Variants in TMEM185B observed in about 807,000 individuals in gnomAD.
TMEM185B encodes ee3_2.
In TMEM185B, 9 loss-of-function variants were observed where a neutral mutation model predicts 26.2. The observed-to-expected ratio is 0.34, with a 90% CI of 0.21 to 0.60. TMEM185B has a LOEUF of 0.60. Among genes scored for constraint, TMEM185B ranks in the 20% least tolerant of loss-of-function variants. TMEM185B has a pLI of 0.80. For synonymous variants in TMEM185B, 204 were observed against 191.8 expected (o/e 1.06, Z -0.52); for missense variants, 392 against 447.9 (o/e 0.88, Z 1.13).
Position 120,219,006 on chromosome 2 carries a change from G to C in TMEM185B, c.*2918C>G, listed in dbSNP as rs968333403. ...TATTTGTGCTTGCAAGGTAGGGCTT[G>C]GCCTCCTGTGCTTCTGCCATGAGAA... On this transcript the variant is annotated 3_prime_UTR_variant, in exon 1 of 1. Coordinates refer to ENST00000426077, the MANE Select transcript of TMEM185B (RefSeq NM_024121.3). Among the ~76,000 whole-genome samples the C allele has an allele frequency of 1.3e-5, 2 of 152,200 alleles. No individual in the cohort carries two copies. Among genetic ancestry groups the C allele is most frequent in the Non-Finnish European group, 2.9e-5 (2 of 68,050 alleles).
rs1436666247 is a variant in TMEM185B, at chr2:120,218,661, T to C, written c.*3263A>G. Among the ~76,000 whole-genome samples the C allele has an allele frequency of 6.6e-6, 1 of 152,120 alleles. No homozygotes were observed. On this transcript the variant is annotated 3_prime_UTR_variant, in exon 1 of 1. Transcript: ENST00000426077. ...AGCACTTTCCTAAAACTGTCCCGTG[T>C]GGAGTACTCCGGCCTCACCACTGCT...
chr2:120,222,371 C>T lies in TMEM185B; in HGVS notation c.606G>A (p.Val202=). The change falls in exon 1 of 1, where the codon GTG becomes GTA. Residue 202 remains valine (V), a synonymous_variant. Coordinates refer to ENST00000426077, the MANE Select transcript of TMEM185B (RefSeq NM_024121.3). Reference sequence around the variant, plus strand: ...CGTGTGTTCTCCGCTGCTCGGCAACCACATCCAGGGACCGCAGGAACAGGA... The same window carrying T: ...CGTGTGTTCTCCGCTGCTCGGCAACTACATCCAGGGACCGCAGGAACAGGA... ...WSLLFLRSLD[V]VAEQRRTHVT... 1 of 1,536,168 alleles carries T rather than the reference C, an allele frequency of 6.5e-7. No individual in the cohort carries two copies. Among genetic ancestry groups the T allele is most frequent in the South Asian group, 1.2e-5 (1 of 84,060 alleles).
At position 120,222,777 on chromosome 2, in the gene TMEM185B, C is replaced by T. The variant is rs1429651474; in HGVS notation, c.200G>A (p.Arg67His). ...TCCCTCGGTGCGGTAGCGAGGGTTG[C>T]GGGCCCAAACGCCCGCGCCCACGGA... ...GASVGAGVWA[R>H]NPRYRTEGEA... The change falls in exon 1 of 1, where the codon CGC becomes CAC. Residue 67 changes from arginine to histidine, a missense_variant. By Grantham distance (29) the Arg-to-His change is conservative. This residue lies in a region of TMEM185B where 175 missense variants were observed against 169.1 expected (regional missense o/e 1.03). Coordinates refer to ENST00000426077, the MANE Select transcript of TMEM185B (RefSeq NM_024121.3). 7 of 1,534,688 alleles carry T rather than the reference C, an allele frequency of 4.6e-6. No homozygotes were observed. The East Asian group carries it at 1.2e-4, about 27-fold the overall frequency.
chr2:120,222,649 G>C lies in TMEM185B; in HGVS notation c.328C>G (p.His110Asp). Residue 110 changes from histidine to aspartate, a missense_variant, in exon 1 of 1, where the codon CAC (histidine) becomes GAC (aspartate). By Grantham distance (81) the His-to-Asp change is moderately conservative. Transcript: ENST00000426077. ...GGCATGAAGACCAGCAGCCAGAAGT[G>C]GGTGCCCCTCTCCACCCTGTCGCAG... ...LVCDRVERGT[H>D]FWLLVFMPLF... is the part of the protein sequence containing the mutation. 6.5e-7 allele frequency: 1 copy of C among 1,536,502 alleles called. No homozygotes were observed. Among genetic ancestry groups the C allele is most frequent in the Middle Eastern group, 1.7e-4 (1 of 5,990 alleles).
chr2:120,222,282 A>G lies in TMEM185B; in HGVS notation c.695T>C (p.Val232Ala), dbSNP rs866944285. The G allele has an allele frequency of 3.9e-6, 6 of 1,536,304 alleles. No individual in the cohort carries two copies. In the Middle Eastern group the frequency reaches 6.7e-4, roughly 171 times the overall value. Residue 232 changes from valine to alanine, a missense_variant, in exon 1 of 1, where the codon GTT becomes GCT. This residue lies in a region of TMEM185B where 176 missense variants were observed against 201.6 expected (regional missense o/e 0.87). Transcript: ENST00000426077. Reference sequence around the variant, plus strand: ...TGTATTGTGGCCATCCAATCTGTGAACCAGCAGGACCTCAAAAGTGAGCAG... The same window carrying G: ...TGTATTGTGGCCATCCAATCTGTGAGCCAGCAGGACCTCAAAAGTGAGCAG... ...VPLLTFEVLL[V>A]HRLDGHNTFS...
rs1291977279 is a variant in TMEM185B at position 120,217,981 on chromosome 2, G to C, written c.*3943C>G. ...TGTGAGGCATGGTTGTGTTATGTCA[G>C]GTGGGAGCCTGATTTCTGAGGTGCG... On this transcript the variant is annotated 3_prime_UTR_variant, in exon 1 of 1. Transcript: ENST00000426077. Among the ~76,000 whole-genome samples, 1 of 152,226 alleles carries C rather than the reference G, an allele frequency of 6.6e-6. No homozygotes were observed.
In TMEM185B at chr2:120,220,176, T is replaced by G. The variant is rs1268248160; in HGVS notation, c.*1748A>C. On this transcript the variant is annotated 3_prime_UTR_variant, in exon 1 of 1. Transcript: ENST00000426077. ...AATGTTTTATATAGGGCAAAAATAG[T>G]GAATTTAGGGTTATGTGTTTTTCTC... Among the ~76,000 whole-genome samples, 1 of 152,178 alleles carries G rather than the reference T, an allele frequency of 6.6e-6. No individual in the cohort carries two copies. Among genetic ancestry groups the G allele is most frequent in the East Asian group, 1.9e-4 (1 of 5,192 alleles).
chr2:120,221,816 G>T lies in TMEM185B; in HGVS notation c.*108C>A. ...CTGATGAGGCGGTGATCTCAAACACGGCGTGAGACGAGTGTTTGAAGCCTG... is the reference window on the plus strand; with the variant it reads ...CTGATGAGGCGGTGATCTCAAACACTGCGTGAGACGAGTGTTTGAAGCCTG... On this transcript the variant is annotated 3_prime_UTR_variant, in exon 1 of 1. Transcript: ENST00000426077. 2.2e-6 allele frequency: 2 copies of T among 904,874 alleles called. No homozygotes were observed. Among genetic ancestry groups the T allele is most frequent in the South Asian group, 1.8e-5 (1 of 56,104 alleles). The allele number at this position is 904,874 out of a possible 1,614,324, so 56.1% of individuals were successfully genotyped here.
chr2:120,218,985 T>G lies in TMEM185B; in HGVS notation c.*2939A>C, dbSNP rs1688543368. ...ACAGAAAGTGAGCAGGGGCTGTATTTGTGCTTGCAAGGTAGGGCTTGGCCT... is the reference window on the plus strand; with the variant it reads ...ACAGAAAGTGAGCAGGGGCTGTATTGGTGCTTGCAAGGTAGGGCTTGGCCT... On this transcript the variant is annotated 3_prime_UTR_variant, in exon 1 of 1. Coordinates refer to ENST00000426077, the MANE Select transcript of TMEM185B (RefSeq NM_024121.3). Among the ~76,000 whole-genome samples, 1 of 152,194 alleles carries G rather than the reference T, an allele frequency of 6.6e-6. No homozygotes were observed. Among genetic ancestry groups the G allele is most frequent in the Non-Finnish European group, 1.5e-5 (1 of 68,036 alleles).
rs760028565 is a variant in TMEM185B at position 120,217,871 on chromosome 2, G to A, written c.*4053C>T. On this transcript the variant is annotated 3_prime_UTR_variant, in exon 1 of 1. Transcript: ENST00000426077. ...GACACCTGCAGATATCCTGGGTTGC[G>A]GGCTGGAAGAAGTATTAACAGTTGA... Among the ~76,000 whole-genome samples the A allele has an allele frequency of 2.6e-5, 4 of 152,302 alleles. No homozygotes were observed. Among genetic ancestry groups the A allele is most frequent in the East Asian group, 1.9e-4 (1 of 5,188 alleles).
rs1165724451 is a variant in TMEM185B, at chr2:120,221,666, A to G, written c.*258T>C. 3 of 504,516 alleles carry G rather than the reference A, an allele frequency of 5.9e-6. No homozygotes were observed. The highest frequency in any genetic ancestry group is 1.0e-5 in the Non-Finnish European group (3 of 286,294). The allele number at this position is 504,516 out of a possible 1,614,324, so 31.3% of individuals were successfully genotyped here. ...GTGTGGTTATTCCTTTTGAGGACCTACTAAAACAATTCGACTTACTGCCCC... is the reference window on the plus strand; with the variant it reads ...GTGTGGTTATTCCTTTTGAGGACCTGCTAAAACAATTCGACTTACTGCCCC... On this transcript the variant is annotated 3_prime_UTR_variant, in exon 1 of 1. Transcript: ENST00000426077.
chr2:120,222,265 G>T lies in TMEM185B; in HGVS notation c.712C>A (p.His238Asn), dbSNP rs559755271. The T allele has an allele frequency of 1.6e-4, 239 of 1,536,362 alleles. No homozygotes were observed. Among genetic ancestry groups the T allele is most frequent in the Admixed American group, 1.2e-3 (60 of 50,988 alleles). ...ATGGAGACGTAGGAGAATGTATTGTGGCCATCCAATCTGTGAACCAGCAGG... is the reference window on the plus strand; with the variant it reads ...ATGGAGACGTAGGAGAATGTATTGTTGCCATCCAATCTGTGAACCAGCAGG... ...EVLLVHRLDG[H>N]NTFSYVSIFV... The change falls in exon 1 of 1, where the codon CAC becomes AAC. Residue 238 changes from histidine to asparagine, a missense_variant. This residue lies in a region of TMEM185B where 176 missense variants were observed against 201.6 expected (regional missense o/e 0.87). Transcript: ENST00000426077.
In TMEM185B at chr2:120,222,347, G is replaced by A. The variant is rs1267142215; in HGVS notation, c.630C>T (p.His210=). The A allele has an allele frequency of 3.3e-6, 5 of 1,536,160 alleles. No individual in the cohort carries two copies. Among genetic ancestry groups the A allele is most frequent in the Non-Finnish European group, 1.7e-6 (2 of 1,146,930 alleles). Residue 210 remains histidine (H), a synonymous_variant, in exon 1 of 1, where the codon CAC becomes CAT. Coordinates refer to ENST00000426077, the MANE Select transcript of TMEM185B (RefSeq NM_024121.3). ...LDVVAEQRRT[H]VTMAISWITI... ...TTATCCAACTGATAGCCATGGTCACGTGTGTTCTCCGCTGCTCGGCAACCA... is the reference window on the plus strand; with the variant it reads ...TTATCCAACTGATAGCCATGGTCACATGTGTTCTCCGCTGCTCGGCAACCA...
Position 120,223,102 on chromosome 2 carries a change from G to C in TMEM185B, c.-126C>G, listed in dbSNP as rs1032704974. ...AGCCGGCTCCGCGTGGACGAATGCC[G>C]GGACGACCAGGAGGAGGTTCGGAGC... On this transcript the variant is annotated 5_prime_UTR_variant, in exon 1 of 1. Transcript: ENST00000426077. The C allele has an allele frequency of 3.1e-6, 2 of 640,616 alleles. No homozygotes were observed. The highest frequency in any genetic ancestry group is 4.5e-6 in the Non-Finnish European group (2 of 443,990). 39.7% of individuals were successfully genotyped at this position (640,616 alleles called of 1,614,324 possible). A position where few individuals can be genotyped will look rare whatever the true frequency, so the allele number is the denominator to read the frequency against.
rs1162848778 is a variant in TMEM185B at position 120,218,130 on chromosome 2, C to A, written c.*3794G>T. Among the ~76,000 whole-genome samples, 1 of 152,240 alleles carries A rather than the reference C, an allele frequency of 6.6e-6. No homozygotes were observed. The highest frequency in any genetic ancestry group is 1.9e-4 in the East Asian group (1 of 5,204). ...GTGAGTTCTGGCAGAGTCCTGCCCC[C>A]TCCTCCTCGAGACAAAGGAGCCAGA... On this transcript the variant is annotated 3_prime_UTR_variant, in exon 1 of 1. Coordinates refer to ENST00000426077, the MANE Select transcript of TMEM185B (RefSeq NM_024121.3).
In TMEM185B at chr2:120,220,425, C is replaced by T. The variant is rs1438171283; in HGVS notation, c.*1499G>A. On this transcript the variant is annotated 3_prime_UTR_variant, in exon 1 of 1. Transcript: ENST00000426077. ...CTGCCCTGATTCCCTGGTGTACCAC[C>T]AGCACCTAAAGAAACACTGTACCTG... is the stretch of plus-strand genomic sequence containing the variant. Among the ~76,000 whole-genome samples, 1 of 152,234 alleles carries T rather than the reference C, an allele frequency of 6.6e-6. No homozygotes were observed. The highest frequency in any genetic ancestry group is 2.4e-5 in the African/African-American group (1 of 41,454).
In TMEM185B at chr2:120,219,148, G is replaced by A. The variant is rs1443441344; in HGVS notation, c.*2776C>T. Reference sequence around the variant, plus strand: ...AGCATAACCTAGAAGCCAACTTGTAGACTACCCAAGAATGGGAATCTAGTT... The same window carrying A: ...AGCATAACCTAGAAGCCAACTTGTAAACTACCCAAGAATGGGAATCTAGTT... On this transcript the variant is annotated 3_prime_UTR_variant, in exon 1 of 1. Transcript: ENST00000426077. Among the ~76,000 whole-genome samples the A allele has an allele frequency of 6.6e-6, 1 of 152,220 alleles. No homozygotes were observed. Among genetic ancestry groups the A allele is most frequent in the Non-Finnish European group, 1.5e-5 (1 of 68,046 alleles).
At position 120,220,469 on chromosome 2, in the gene TMEM185B, G is replaced by A. The variant is rs553592109; in HGVS notation, c.*1455C>T. Among the ~76,000 whole-genome samples the A allele has an allele frequency of 9.8e-5, 15 of 152,304 alleles. No individual in the cohort carries two copies. The highest frequency in any genetic ancestry group is 6.8e-3 in the Middle Eastern group (2 of 294). ...GTACCTGCCGGGTGCAGTGGTTCCC[G>A]CCTGTAATCCCAGCACTTTGGGAGG... On this transcript the variant is annotated 3_prime_UTR_variant, in exon 1 of 1. Transcript: ENST00000426077.
chr2:120,222,370 C>T lies in TMEM185B; in HGVS notation c.607G>A (p.Val203Ile), dbSNP rs551008780. The T allele has an allele frequency of 5.8e-4, 893 of 1,536,194 alleles. 13 individuals are homozygous for T. The South Asian group carries it at 9.4e-3, about 16-fold the overall frequency. ...ACGTGTGTTCTCCGCTGCTCGGCAACCACATCCAGGGACCGCAGGAACAGG... is the reference window on the plus strand; with the variant it reads ...ACGTGTGTTCTCCGCTGCTCGGCAATCACATCCAGGGACCGCAGGAACAGG... ...SLLFLRSLDV[V>I]AEQRRTHVTM... Residue 203 changes from valine (V) to isoleucine (I), a missense_variant, in exon 1 of 1, where the codon GTT becomes ATT. Around this residue, in one of 3 missense-constraint regions of TMEM185B, gnomAD observed 176 missense variants for 201.6 expected, o/e 0.87. Coordinates refer to ENST00000426077, the MANE Select transcript of TMEM185B (RefSeq NM_024121.3).
Sources: gnomAD v4.1 joint callset for allele counts (sites outside exome capture counted in the v4.1 genomes callset) on GRCh38, gnomAD v4.1.1 for gene constraint, gnomAD v4.1.1 regional missense constraint, MANE v1.5 for transcripts, NCBI Gene and HGNC (gene_info 2026-07-23, HGNC 2026-07-21) for gene names.